Variants in SAXO1 observed in about 807,000 individuals in gnomAD.
SAXO1 encodes stabilizer of axonemal microtubules 1.
Under a neutral mutation model 17.5 loss-of-function variants are expected in SAXO1, and 21 were observed. That is an observed-to-expected ratio of 1.20 (90% CI 0.85 to 1.72). SAXO1 has a LOEUF of 1.72. SAXO1 is among the 40% of genes most tolerant of loss of function. SAXO1 has a pLI of 0.00. For synonymous variants in SAXO1, 274 were observed against 216.5 expected (o/e 1.27, Z -2.33); for missense variants, 843 against 596.0 (o/e 1.41, Z -4.32).
intron 1 of SAXO1, among the ~76,000 whole-genome samples, chr9:18,966,500 C>T (rs557491374): frequency 2.6e-5 from 4 of 152,224 alleles, no homozygotes; most frequent in South Asian, 2.1e-4. Context: ...GATCTTCAAA[C>T]TCTGATATCC....
chr9:19,046,989 C>T (rs1836232172), intron 1 of SAXO1, among the ~76,000 whole-genome samples: 2 of 152,228 alleles, frequency 1.3e-5, no homozygotes, highest in Non-Finnish European at 2.9e-5. Flanking sequence ...CAGTTTGAGA[C>T]CAGCCTGGCC....
intron 2 of SAXO1, among the ~76,000 whole-genome samples, chr9:18,946,259 A>G (rs560199987): frequency 6.8e-6 from 1 of 146,854 alleles, no homozygotes; most frequent in African/African-American, 2.6e-5. Flanking sequence ...CTGGGCAACA[A>G]GAGCAAAACT....
intron 1 of SAXO1, among the ~76,000 whole-genome samples, chr9:18,957,990 C>A (rs1017174798): frequency 1.3e-5 from 2 of 152,270 alleles, no homozygotes; most frequent in Admixed American, 1.3e-4. Flanking sequence ...TACTTTACAG[C>A]AATCTTGAGG....
intron 1 of SAXO1, among the ~76,000 whole-genome samples, chr9:18,986,748 G>A (rs144322325): frequency 6.6e-6 from 1 of 152,342 alleles, no homozygotes; most frequent in East Asian, 1.9e-4. Context: ...ATACAGTTGT[G>A]CAGGTTGCAT....
chr9:18,997,030 G>T (rs898149678), intron 1 of SAXO1, among the ~76,000 whole-genome samples: 7 of 152,134 alleles, frequency 4.6e-5, no homozygotes, highest in African/African-American at 1.4e-4. Flanking sequence ...CGAGACTGAC[G>T]CAGAAGATGG....
At chr9:18,950,272 C>T (rs1479255960) in intron 2 of SAXO1, among the ~76,000 whole-genome samples, 6 of 130,560 alleles carry the variant, frequency 4.6e-5, no homozygotes, top group Admixed American at 2.5e-4. Context: ...TTCAGGAGAA[C>T]CCCAATTCAA....
intron 3 of SAXO1, among the ~76,000 whole-genome samples, chr9:18,935,627 AC>A (rs1419619748): frequency 1.3e-5 from 2 of 152,020 alleles, no homozygotes; most frequent in African/African-American, 2.4e-5. Flanking sequence ...CTTCCCGACC[AC>A]CAGGAATACA....
At position 18,985,406 on chromosome 9, in the gene SAXO1, A is replaced by T. The variant is rs536556829; in HGVS notation, c.39-34469T>A. Among the ~76,000 whole-genome samples, 221 of 152,326 alleles carry T rather than the reference A, an allele frequency of 1.5e-3. 2 individuals are homozygous for T. Among genetic ancestry groups the T allele is most frequent in the Non-Finnish European group, 2.5e-3 (168 of 68,022 alleles). ...CACAGGGTTACCACAAACCTACATT[A>T]AAAAAACACACTATCTGCAAAGTGC... On this transcript the variant is annotated intron_variant, in intron 1 of 3. Transcript: ENST00000380534.
chr9:19,012,154 T>A (rs1287636792), intron 1 of SAXO1, among the ~76,000 whole-genome samples: 8 of 152,240 alleles, frequency 5.3e-5, no homozygotes, highest in African/African-American at 1.9e-4. Flanking sequence ...AGGATAGATT[T>A]TTTTTAATGA....
intron 3 of SAXO1, among the ~76,000 whole-genome samples, chr9:18,938,435 CAGGACAGAGAGCGCG>C (rs1270357818): frequency 6.6e-6 from 1 of 152,010 alleles, no homozygotes; most frequent in African/African-American, 2.4e-5. Flanking sequence ...ACGGCAGGAG[CAGGACAGAGAGCGCG>C]AGTCGGGAGG....
intron 1 of SAXO1, among the ~76,000 whole-genome samples, chr9:19,000,324 C>A (rs986085852): frequency 4.0e-4 from 60 of 151,422 alleles, no homozygotes; most frequent in African/African-American, 1.4e-3. Context: ...GCGCCTCTGC[C>A]CAGCCACCAC....
At chr9:19,016,782 ACTAT>A (rs934124724) in intron 1 of SAXO1, among the ~76,000 whole-genome samples, 6 of 150,242 alleles carry the variant, frequency 4.0e-5, no homozygotes, top group South Asian at 2.1e-4. Context: ...TTTTCTTTTA[ACTAT>A]CTAACATCTG....
At chr9:19,010,920 GACATACATT>G in intron 1 of SAXO1, among the ~76,000 whole-genome samples, 1 of 152,178 alleles carries the variant, frequency 6.6e-6, no homozygotes, top group South Asian at 2.1e-4. Context: ...TTAAGTGCTT[GACATACATT>G]ACCTGGTACA....
Position 18,928,331 on chromosome 9 carries a change from C to T in SAXO1, c.1146G>A (p.Leu382=). The T allele has an allele frequency of 6.2e-7, 1 of 1,613,202 alleles. No homozygotes were observed. The highest frequency in any genetic ancestry group is 2.2e-5 in the East Asian group (1 of 44,814). The part of the protein sequence containing the change: ...TTTRAHYVPH[L]PINTKSCKPH... ...GCTTACAGCTTTTGGTATTGATAGG[C>T]AGGTGGGGCACATAGTGGGCCCGAG... The change falls in exon 4 of 4, where the codon CTG becomes CTA. Residue 382 remains leucine, a synonymous_variant. Transcript: ENST00000380534.
intron 1 of SAXO1, chr9:19,027,389 A>C: frequency 1.3e-6 from 1 of 766,448 alleles, no homozygotes; most frequent in Non-Finnish European, 2.4e-6. Context: ...AGACCCACGG[A>C]GCAATACAGT....
At chr9:18,938,530 G>T (rs1272211348) in intron 3 of SAXO1, among the ~76,000 whole-genome samples, 2 of 151,966 alleles carry the variant, frequency 1.3e-5, no homozygotes, top group Non-Finnish European at 2.9e-5. Flanking sequence ...GTACTAAGGG[G>T]GCAGGGGGGT....
At chr9:19,043,722 C>G (rs1225178256) in intron 1 of SAXO1, among the ~76,000 whole-genome samples, 1 of 151,370 alleles carries the variant, frequency 6.6e-6, no homozygotes, top group Non-Finnish European at 1.5e-5. Flanking sequence ...GAGCAGTGAT[C>G]ACAACACTGC....
chr9:18,982,786 T>C (rs764240090), intron 1 of SAXO1, among the ~76,000 whole-genome samples: 1 of 152,248 alleles, frequency 6.6e-6, no homozygotes, highest in African/African-American at 2.4e-5. Flanking sequence ...CTTGGAAATC[T>C]TACCTTAATT....
intron 1 of SAXO1, among the ~76,000 whole-genome samples, chr9:19,038,952 A>C (rs1836010778): frequency 6.6e-6 from 1 of 152,062 alleles, no homozygotes; most frequent in African/African-American, 2.4e-5. Context: ...TTTCCCTAAA[A>C]TTTTTTGTAA....
Sources: allele counts gnomAD v4.1 joint callset (sites outside exome capture counted in the v4.1 genomes callset), GRCh38; gene constraint gnomAD v4.1.1; transcripts MANE v1.5; gene names NCBI Gene and HGNC (gene_info 2026-07-23, HGNC 2026-07-21).